The following LSAMP variants were observed in gnomAD, a reference collection of about 807,000 sequenced individuals.
LSAMP encodes limbic system associated membrane protein, also known as limbic system-associated membrane protein.
A neutral mutation model predicts 38.6 loss-of-function variants in LSAMP; 7 were observed. The ratio of observed to expected loss-of-function variants is 0.18; its 90% CI spans 0.10 to 0.34. The LOEUF (loss-of-function observed/expected upper bound fraction) is 0.34, where lower values mean the gene tolerates loss of function less well. Ranked by LOEUF, LSAMP falls within the 10% of genes least tolerant of loss-of-function variation. LSAMP has a pLI of 1.00. For synonymous variants in LSAMP, 154 were observed against 166.8 expected (o/e 0.92, Z 0.59); for missense variants, 313 against 420.0 (o/e 0.75, Z 2.23).
chr3:116,326,804 G>A (rs976681731), intron 1 of LSAMP, among the ~76,000 whole-genome samples: 15 of 152,074 alleles, frequency 9.9e-5, no homozygotes, highest in Admixed American at 5.9e-4. Flanking sequence ...TTTTCACAAT[G>A]CCTTTGCCAC....
intron 3 of LSAMP, among the ~76,000 whole-genome samples, chr3:115,883,918 TAAGTC>T (rs2107439176): frequency 6.6e-6 from 1 of 152,186 alleles, no homozygotes; most frequent in East Asian, 1.9e-4. Flanking sequence ...ACATTAATGA[TAAGTC>T]AAACTAAGAA....
chr3:115,976,309 C>T (rs183238001), intron 3 of LSAMP, among the ~76,000 whole-genome samples: 3 of 152,148 alleles, frequency 2.0e-5, no homozygotes, highest in African/African-American at 4.8e-5. Flanking sequence ...TAATTAAATT[C>T]ACAACGAGAA....
intron 1 of LSAMP, among the ~76,000 whole-genome samples, chr3:116,176,617 A>T (rs1710349635): frequency 6.6e-6 from 1 of 152,196 alleles, no homozygotes; most frequent in African/African-American, 2.4e-5. Context: ...AAGGTACATA[A>T]TGATGGGAAC....
intron 1 of LSAMP, among the ~76,000 whole-genome samples, chr3:116,425,717 T>C (rs995213985): frequency 3.9e-5 from 6 of 151,952 alleles, no homozygotes; most frequent in African/African-American, 7.3e-5. Flanking sequence ...AAGCACAAAA[T>C]TGATACTGCC....
chr3:116,128,023 T>A lies in LSAMP; in HGVS notation c.156-41467A>T, dbSNP rs557972004. Among the ~76,000 whole-genome samples, 3 of 152,278 alleles carry A rather than the reference T, an allele frequency of 2.0e-5. No individual in the cohort carries two copies. In the East Asian group the frequency reaches 5.8e-4, roughly 29 times the overall value. On this transcript the variant is annotated intron_variant, in intron 1 of 6. Transcript: ENST00000490035. ...AGGCCAAATTAGGTGATTGGGACCC[T>A]TGGAGTATTTTTATTGGCTTGTTTT...
intron 1 of LSAMP, among the ~76,000 whole-genome samples, chr3:116,189,066 C>T (rs1041965324): frequency 2.0e-5 from 3 of 152,114 alleles, no homozygotes; most frequent in African/African-American, 7.2e-5. Flanking sequence ...AGCTTCTATT[C>T]TAGTGAGGGA....
At chr3:115,950,552 G>T (rs1321404618) in intron 3 of LSAMP, among the ~76,000 whole-genome samples, 1 of 151,968 alleles carries the variant, frequency 6.6e-6, no homozygotes, top group Non-Finnish European at 1.5e-5. Flanking sequence ...TGAAAGATCT[G>T]TACAAGAAAA....
At chr3:116,071,180 GA>G (rs71141850) in intron 2 of LSAMP, among the ~76,000 whole-genome samples, 72,767 of 149,968 alleles carry the variant, frequency 0.49, 18,975 homozygotes, top group African/African-American at 0.7. Context: ...TTTGCATAAA[GA>G]AAAAAAAGAA....
intron 1 of LSAMP, among the ~76,000 whole-genome samples, chr3:116,242,588 T>C (rs2046551595): frequency 6.6e-6 from 1 of 152,144 alleles, no homozygotes; most frequent in Admixed American, 6.6e-5. Context: ...GGACTTTATT[T>C]TTTCTCTGCC....
At chr3:116,072,333 T>C (rs189133601) in intron 2 of LSAMP, among the ~76,000 whole-genome samples, 17 of 152,330 alleles carry the variant, frequency 1.1e-4, no homozygotes, top group African/African-American at 3.6e-4. Flanking sequence ...TCTATGTCTT[T>C]CCTATTGTGA....
chr3:115,891,030 C>A (rs565474139), intron 3 of LSAMP, among the ~76,000 whole-genome samples: 1 of 151,996 alleles, frequency 6.6e-6, no homozygotes, highest in East Asian at 1.9e-4. Context: ...TCCATTATGA[C>A]ACAAATTGTA....
At chr3:115,886,205 A>AC (rs1936449181) in intron 3 of LSAMP, among the ~76,000 whole-genome samples, 1 of 152,008 alleles carries the variant, frequency 6.6e-6, no homozygotes, top group Non-Finnish European at 1.5e-5. Flanking sequence ...GTCTTCTAGA[A>AC]ATACCCTTAC....
chr3:115,831,100 C>A (rs748516171), intron 6 of LSAMP, among the ~76,000 whole-genome samples: 1 of 152,116 alleles, frequency 6.6e-6, no homozygotes, highest in Non-Finnish European at 1.5e-5. Context: ...CAGCCATGTG[C>A]AATGCATTTT....
chr3:115,905,833 G>A (rs776263387), intron 3 of LSAMP, among the ~76,000 whole-genome samples: 1 of 152,038 alleles, frequency 6.6e-6, no homozygotes, highest in African/African-American at 2.4e-5. Flanking sequence ...CTCATTCTAG[G>A]GCATCAGGAA....
At chr3:116,442,699 G>A (rs555276612) in intron 1 of LSAMP, among the ~76,000 whole-genome samples, 61 of 152,274 alleles carry the variant, frequency 4.0e-4, no homozygotes, top group African/African-American at 1.4e-3. Flanking sequence ...GAAAAGAAAT[G>A]GTGTTTCATA....
chr3:116,216,098 G>GATTCATGATTTCATGAATCACTTT, intron 1 of LSAMP, among the ~76,000 whole-genome samples: 2 of 152,234 alleles, frequency 1.3e-5, no homozygotes, highest in South Asian at 4.2e-4. Flanking sequence ...TTTCCAGTGT[G>GATTCATGATTTCATGAATCACTTT]ATTCATGATT....
At chr3:116,317,639 G>A (rs2047650175) in intron 1 of LSAMP, among the ~76,000 whole-genome samples, 1 of 151,826 alleles carries the variant, frequency 6.6e-6, no homozygotes, top group Non-Finnish European at 1.5e-5. Context: ...ACAGGCGTGA[G>A]CCCCCGCGCC....
chr3:116,009,693 T>G (rs924750299), intron 3 of LSAMP, among the ~76,000 whole-genome samples: 5 of 152,056 alleles, frequency 3.3e-5, no homozygotes, highest in African/African-American at 1.2e-4. Flanking sequence ...TTACAGGAAG[T>G]ATTATAAAAC....
intron 1 of LSAMP, among the ~76,000 whole-genome samples, chr3:116,283,219 GAAGAAAGA>G (rs10678841): frequency 6.6e-6 from 1 of 151,352 alleles, no homozygotes; most frequent in Non-Finnish European, 1.5e-5. Context: ...AGAAAAAAAA[GAAGAAAGA>G]AAGAAAGGAG....
Sources: gnomAD v4.1 joint callset for allele counts (sites outside exome capture counted in the v4.1 genomes callset) on GRCh38, gnomAD v4.1.1 for gene constraint, MANE v1.5 for transcripts, NCBI Gene and HGNC (gene_info 2026-07-23, HGNC 2026-07-21) for gene names.